SLC16A10: variants seen among roughly 807,000 people sequenced by gnomAD.
SLC16A10 encodes monocarboxylate transporter 10.
In SLC16A10, 27 loss-of-function variants were observed where a neutral mutation model predicts 40.0. The observed-to-expected ratio is 0.67, with a 90% CI of 0.50 to 0.93. The LOEUF is 0.93. SLC16A10 is among the 40% of genes least tolerant of loss of function. SLC16A10 has a pLI of 0.00. For synonymous variants in SLC16A10, 213 were observed against 249.8 expected (o/e 0.85, Z 1.39); for missense variants, 529 against 658.2 (o/e 0.80, Z 2.15).
At chr6:111,176,000 C>T (rs1018385325) in intron 2 of SLC16A10, among the ~76,000 whole-genome samples, 3 of 152,016 alleles carry the variant, frequency 2.0e-5, no homozygotes, top group Admixed American at 6.6e-5. Flanking sequence ...TGGCCAAGGA[C>T]CAGATTTTTA....
At position 111,226,499 on chromosome 6, in the gene SLC16A10, A is replaced by G. The variant is rs1290929683; in HGVS notation, c.*4264A>G. 1 of 152,216 alleles carries G rather than the reference A, an allele frequency of 6.6e-6. No homozygotes were observed. The highest frequency in any genetic ancestry group is 1.5e-5 in the Non-Finnish European group (1 of 68,040). The allele number at this position is 152,216 out of a possible 1,614,324, so 9.4% of individuals were successfully genotyped here. On this transcript the variant is annotated 3_prime_UTR_variant, in exon 6 of 6. Coordinates refer to ENST00000368851, the MANE Select transcript of SLC16A10 (RefSeq NM_018593.5). The stretch of plus-strand genomic sequence containing the variant: ...AAACAAGTATTTAAAACTTTTTAGG[A>G]AGTCTCTAACACTGAAAAAAAGGTC...
chr6:111,206,819 CT>C (rs979276469), intron 4 of SLC16A10, 84 bp downstream of exon 4: 75 of 1,414,660 alleles, frequency 5.3e-5, no homozygotes, highest in Admixed American at 7.0e-5. Context: ...TGCTTAAATT[CT>C]TTTTTTTTCT....
intron 4 of SLC16A10, among the ~76,000 whole-genome samples, chr6:111,215,950 C>T (rs530581331): frequency 3.9e-5 from 6 of 152,278 alleles, no homozygotes; most frequent in Admixed American, 3.9e-4. Flanking sequence ...GAGCTATGAT[C>T]GCACCACTGC....
chr6:111,205,920 A>T (rs1031136079), intron 3 of SLC16A10, among the ~76,000 whole-genome samples: 14 of 152,180 alleles, frequency 9.2e-5, no homozygotes, highest in African/African-American at 3.4e-4. Context: ...TGACCCTTGA[A>T]CTGTCTCTTA....
Position 111,088,022 on chromosome 6 carries a change from T to C in SLC16A10, c.270T>C (p.Ala90=). 6.2e-7 allele frequency: 1 copy of C among 1,609,664 alleles called. No individual in the cohort carries two copies. The highest frequency in any genetic ancestry group is 8.5e-7 in the Non-Finnish European group (1 of 1,178,076). The change falls in exon 1 of 6, where the codon GCT becomes GCC. Residue 90 remains alanine (A), a synonymous_variant. Coordinates refer to ENST00000368851, the MANE Select transcript of SLC16A10 (RefSeq NM_018593.5). ...GGTCGGTGTTCGGCATCCAGAACGC[T>C]TGCGGGGTGCTCTTCGTGTCCATGC... ...CNGSVFGIQN[A]CGVLFVSMLE... is the part of the protein sequence containing the mutation.
At chr6:111,094,421 G>A (rs578040555) in intron 1 of SLC16A10, among the ~76,000 whole-genome samples, 6 of 152,228 alleles carry the variant, frequency 3.9e-5, no homozygotes, top group African/African-American at 1.4e-4. Context: ...CCATTTGTCG[G>A]CATTCTTCTG....
chr6:111,217,223 CG>C, intron 4 of SLC16A10, among the ~76,000 whole-genome samples: 1 of 152,318 alleles, frequency 6.6e-6, no homozygotes, highest in East Asian at 1.9e-4. Flanking sequence ...CCTCTCCCAG[CG>C]TCACTATCTT....
At chr6:111,196,055 CA>C (rs34141443) in intron 3 of SLC16A10, among the ~76,000 whole-genome samples, 116,963 of 152,096 alleles carry the variant, frequency 0.77, 45,767 homozygotes, top group Non-Finnish European at 0.85. Flanking sequence ...GCCATCTCTA[CA>C]AAAAACATTA....
intron 1 of SLC16A10, among the ~76,000 whole-genome samples, chr6:111,107,808 T>C (rs1411842474): frequency 6.6e-6 from 1 of 152,202 alleles, no homozygotes; most frequent in Non-Finnish European, 1.5e-5. Context: ...GGTATTTTGC[T>C]TGTTGACTTT....
chr6:111,126,274 T>C (rs1562405021), intron 1 of SLC16A10, among the ~76,000 whole-genome samples: 1 of 152,108 alleles, frequency 6.6e-6, no homozygotes, highest in Non-Finnish European at 1.5e-5. Flanking sequence ...GTTTTTTCCA[T>C]GTAATGAATG....
chr6:111,119,843 A>G (rs1184640472), intron 1 of SLC16A10, among the ~76,000 whole-genome samples: 1 of 152,240 alleles, frequency 6.6e-6, no homozygotes, highest in African/African-American at 2.4e-5. Context: ...AAACCATAAT[A>G]CTGGCAGGCT....
intron 3 of SLC16A10, among the ~76,000 whole-genome samples, chr6:111,195,492 A>G (rs944947620): frequency 3.9e-5 from 6 of 152,202 alleles, no homozygotes; most frequent in African/African-American, 9.6e-5. Flanking sequence ...AAAATGGCAA[A>G]TTTTATGAAA....
At chr6:111,176,343 TA>T (rs1219656539) in intron 2 of SLC16A10, among the ~76,000 whole-genome samples, 3 of 152,262 alleles carry the variant, frequency 2.0e-5, no homozygotes, top group African/African-American at 7.2e-5. Flanking sequence ...TGTTTGCTTT[TA>T]CTACTGATAG....
Position 111,153,533 on chromosome 6 carries a change from C to CA in SLC16A10, c.344-19150dup, listed in dbSNP as rs5879090. ...TGGGCAACAGAGCGAGACCCTGTCT[C>CA]AAAAAAAAAAAATTAAATTAAAACA... On this transcript the variant is annotated intron_variant, in intron 1 of 5. Coordinates refer to ENST00000368851, the MANE Select transcript of SLC16A10 (RefSeq NM_018593.5). Among the ~76,000 whole-genome samples, 670 of 146,776 alleles carry CA rather than the reference C, an allele frequency of 4.6e-3. 7 individuals carry two copies. The highest frequency in any genetic ancestry group is 0.016 in the African/African-American group (609 of 39,226).
chr6:111,098,894 G>GT (rs1771124240), intron 1 of SLC16A10, among the ~76,000 whole-genome samples: 1 of 152,200 alleles, frequency 6.6e-6, no homozygotes, highest in Non-Finnish European at 1.5e-5. Context: ...GTTATTGACT[G>GT]TAAGTACACT....
chr6:111,155,380 T>C (rs899753952), intron 1 of SLC16A10, among the ~76,000 whole-genome samples: 2 of 151,610 alleles, frequency 1.3e-5, no homozygotes, highest in Non-Finnish European at 2.9e-5. Context: ...TTTTTTTTTC[T>C]GTAGAGACAG....
chr6:111,206,752 T>C lies in SLC16A10; in HGVS notation c.1086+17T>C. 6.2e-7 allele frequency: 1 copy of C among 1,606,442 alleles called. No homozygotes were observed. Among genetic ancestry groups the C allele is most frequent in the Non-Finnish European group, 8.5e-7 (1 of 1,178,012 alleles). On this transcript the variant is annotated intron_variant, in intron 4 of 5. Transcript: ENST00000368851. ...TATCTACAGGTACTTTTTTACACCTTTTTTCCCCTATCAAAAATTACTCTC... is the reference window on the plus strand; with the variant it reads ...TATCTACAGGTACTTTTTTACACCTCTTTTCCCCTATCAAAAATTACTCTC...
intron 1 of SLC16A10, among the ~76,000 whole-genome samples, chr6:111,147,450 G>A (rs1450010973): frequency 6.6e-6 from 1 of 152,152 alleles, no homozygotes; most frequent in Non-Finnish European, 1.5e-5. Context: ...ATATATTTAA[G>A]AATAATGTGA....
chr6:111,199,827 TA>T lies in SLC16A10; in HGVS notation c.943-6753del, dbSNP rs35253168. Among the ~76,000 whole-genome samples, 22 of 148,914 alleles carry T rather than the reference TA, an allele frequency of 1.5e-4. No individual in the cohort carries two copies. In the South Asian group the frequency reaches 1.7e-3, roughly 11 times the overall value. On this transcript the variant is annotated intron_variant, in intron 3 of 5. Coordinates refer to ENST00000368851, the MANE Select transcript of SLC16A10 (RefSeq NM_018593.5). ...GTTTTGTTTGTAATCCAGGGAAATT[TA>T]AAAAAAAAAAACAAGTAGAAATAAA...
Sources: gnomAD v4.1 joint callset for allele counts (sites outside exome capture counted in the v4.1 genomes callset) on GRCh38, gnomAD v4.1.1 for gene constraint, MANE v1.5 for transcripts, NCBI Gene and HGNC (gene_info 2026-07-23, HGNC 2026-07-21) for gene names.